Variants in SLX4 observed in about 807,000 individuals in gnomAD.
SLX4 encodes structure-specific endonuclease subunit SLX4.
Under a neutral mutation model 146.2 loss-of-function variants are expected in SLX4, and 112 were observed. The observed-to-expected ratio is 0.77, with a 90% confidence interval of 0.66 to 0.90. The LOEUF is 0.90. Ranked by LOEUF, SLX4 falls within the 40% of genes least tolerant of loss-of-function variation. SLX4 has a pLI of 0.00. For missense variants in SLX4, 2,563 were observed against 2,392.7 expected (o/e 1.07, Z -1.49); for synonymous variants, 1,061 against 997.7 (o/e 1.06, Z -1.20).
Position 3,609,149 on chromosome 16 carries a change from AT to A in SLX4, c.-186del, listed in dbSNP as rs1348803225. The A allele has an allele frequency of 3.6e-5, 23 of 640,140 alleles. No homozygotes were observed. The highest frequency in any genetic ancestry group is 6.1e-5 in the Non-Finnish European group (23 of 379,156). 39.7% of individuals were successfully genotyped at this position (640,140 alleles called of 1,614,324 possible). A position where few individuals can be genotyped will look rare whatever the true frequency, so the allele number is the denominator to read the frequency against. On this transcript the variant is annotated 5_prime_UTR_variant, in exon 2 of 15. Transcript: ENST00000294008. Reference sequence around the variant, plus strand: ...CCGGGCGCGGTGGCTCACACTTGTAATCCCAGCTCTTTTGGAGGACGAGGCG... The same window carrying A: ...CCGGGCGCGGTGGCTCACACTTGTAACCCAGCTCTTTTGGAGGACGAGGCG...
In SLX4 at chr16:3,589,113, C is replaced by A; in HGVS notation, c.4525G>T (p.Ala1509Ser). ...TCCCCGTCCCAAACGTCCCACAGAG[C>A]CGAATTCAGAAAGCTCGGCCTGCTA... ...GNSRPSFLNS[A>S]LWDVWDGEEQ... Residue 1509 changes from alanine to serine, a missense_variant, in exon 12 of 15, where the codon GCT (alanine) becomes TCT (serine). Ala to Ser is a moderately conservative substitution (Grantham distance 99, BLOSUM62 1). Transcript: ENST00000294008. This position sits in a 1 kb window ranked among gnomAD's most constrained non-coding sequence, Gnocchi z 6.2. 6.2e-7 allele frequency: 1 copy of A among 1,614,082 alleles called. No homozygotes were observed. The highest frequency in any genetic ancestry group is 8.5e-7 in the Non-Finnish European group (1 of 1,180,006).
At position 3,608,710 on chromosome 16, in the gene SLX4, C is replaced by T. The variant is rs929484815; in HGVS notation, c.255G>A (p.Gln85=). Residue 85 remains glutamine (Q), a synonymous_variant, in exon 2 of 15, where the codon CAG becomes CAA. Transcript: ENST00000294008. Reference sequence around the variant, plus strand: ...TGGTCCTTTTCAATTTGCTTCTTATCTGAGTGCCGTTTGAGGCAGCCTTTT... The same window carrying T: ...TGGTCCTTTTCAATTTGCTTCTTATTTGAGTGCCGTTTGAGGCAGCCTTTT... ...KTQKAASNGT[Q]IRSKLKRTKQ... is the part of the protein sequence containing the mutation. 6.2e-6 allele frequency: 10 copies of T among 1,614,126 alleles called. No individual in the cohort carries two copies. Among genetic ancestry groups the T allele is most frequent in the Non-Finnish European group, 8.5e-6 (10 of 1,180,062 alleles).
Position 3,602,206 on chromosome 16 carries a change from G to T in SLX4, c.862C>A (p.Leu288Met), listed in dbSNP as rs777370394. 1.2e-6 allele frequency: 2 copies of T among 1,614,064 alleles called. No homozygotes were observed. Among genetic ancestry groups the T allele is most frequent in the Middle Eastern group, 1.6e-4 (1 of 6,084 alleles). The change falls in exon 4 of 15, where the codon CTG becomes ATG. Residue 288 changes from leucine (L) to methionine (M), a missense_variant. Leu to Met is a conservative substitution (Grantham distance 15). Coordinates refer to ENST00000294008, the MANE Select transcript of SLX4 (RefSeq NM_032444.4). ...RVGASAHDDS[L>M]EEKGLFFCQI... Reference sequence around the variant, plus strand: ...CAGAAGAACAAACCCTTTTCCTCCAGGCTATCATCATGTGCCGATGCTCCT... The same window carrying T: ...CAGAAGAACAAACCCTTTTCCTCCATGCTATCATCATGTGCCGATGCTCCT...
At chr16:3,598,314 A>G (rs1033503094) in intron 5 of SLX4, among the ~76,000 whole-genome samples, 1 of 152,154 alleles carries the variant, frequency 6.6e-6, no homozygotes, top group Non-Finnish European at 1.5e-5. Flanking sequence ...GGAGTCAACA[A>G]TCGATGGCTC....
chr16:3,583,065 G>C, intron 14 of SLX4, 32 bp downstream of exon 14: 1 of 1,613,870 alleles, frequency 6.2e-7, no homozygotes, highest in South Asian at 1.1e-5. Flanking sequence ...GGATACATGA[G>C]GCCACTGACC....
Position 3,591,001 on chromosome 16 carries a change from C to G in SLX4, c.2637G>C (p.Trp879Cys), listed in dbSNP as rs1276786771. The G allele has an allele frequency of 6.2e-7, 1 of 1,614,212 alleles. No homozygotes were observed. Among genetic ancestry groups the G allele is most frequent in the Admixed American group, 1.7e-5 (1 of 60,030 alleles). ...CAGAAACCGGACTGCCACCCTCCAG[C>G]CAGTCAGCGTCCTCGCCGGCACCCG... ...RAAGAGEDAD[W>C]LEGGSPVSGQ... Residue 879 changes from tryptophan to cysteine, a missense_variant, in exon 12 of 15, where the codon TGG (tryptophan) becomes TGC (cysteine). Transcript: ENST00000294008.
intron 8 of SLX4, 99 bp downstream of exon 8, chr16:3,596,054 G>T: frequency 4.1e-6 from 6 of 1,469,000 alleles, no homozygotes; most frequent in East Asian, 2.5e-5. Context: ...CAGAGCTGCC[G>T]TCGCGGCGGC....
Position 3,589,597 on chromosome 16 carries a change from G to T in SLX4, c.4041C>A (p.His1347Gln). ...GAGAGGAGTGCGGGTGGCCCCCGGG[G>T]TGGGGACGGGAAGGGCTTCTGTGGC... ...RQGHRSPSRP[H>Q]PGGHPHSSPL... The change falls in exon 12 of 15, where the codon CAC becomes CAA. Residue 1347 changes from histidine (H) to glutamine (Q), a missense_variant. Physicochemically the swap from His to Gln is conservative, Grantham distance 24 (BLOSUM62 0). Coordinates refer to ENST00000294008, the MANE Select transcript of SLX4 (RefSeq NM_032444.4). This position sits in a 1 kb window ranked among gnomAD's most constrained non-coding sequence, Gnocchi z 6.2. 6.2e-7 allele frequency: 1 copy of T among 1,613,714 alleles called. No homozygotes were observed. Among genetic ancestry groups the T allele is most frequent in the South Asian group, 1.1e-5 (1 of 91,084 alleles).
In SLX4 at chr16:3,583,414, G is replaced by A. The variant is rs140844106; in HGVS notation, c.4836C>T (p.Asp1612=). 148 of 1,613,790 alleles carry A rather than the reference G, an allele frequency of 9.2e-5. No individual in the cohort carries two copies. The African/African-American group carries it at 1.6e-3, about 17-fold the overall frequency. The part of the protein sequence containing the change: ...THQTLDSDSE[D]ESQSSQPLLQ... ...ACAGCGGCTGTGAGGACTGGCTCTC[G>A]TCCTCGGAGTCTGAGTCCAGGGTCT... The change falls in exon 14 of 15, where the codon GAC becomes GAT. Residue 1612 remains aspartate (D), a synonymous_variant. Transcript: ENST00000294008.
intron 13 of SLX4, among the ~76,000 whole-genome samples, chr16:3,583,776 G>A (rs2040472907): frequency 6.6e-6 from 1 of 152,130 alleles, no homozygotes; most frequent in Non-Finnish European, 1.5e-5. Flanking sequence ...GCTGAGGCAG[G>A]AGGACAGTTT....
At position 3,608,641 on chromosome 16, in the gene SLX4, C is replaced by G; in HGVS notation, c.324G>C (p.Glu108Asp). The G allele has an allele frequency of 1.9e-6, 3 of 1,614,202 alleles. No individual in the cohort carries two copies. The highest frequency in any genetic ancestry group is 2.5e-6 in the Non-Finnish European group (3 of 1,180,038). The change falls in exon 2 of 15, where the codon GAG becomes GAC. Residue 108 changes from glutamate (E) to aspartate (D), a missense_variant. Glu to Asp is a conservative substitution (Grantham distance 45). Transcript: ENST00000294008. ...CCTGGCTGCCAGACGGAGGTTTCTT[C>G]TCTGCAGGGCCTTGAAGGGTTTTGG... is the stretch of plus-strand genomic sequence containing the variant. ...TKTKTLQGPA[E>D]KKPPSGSQAP...
chr16:3,592,421 C>T (rs2040603631), intron 11 of SLX4, among the ~76,000 whole-genome samples: 2 of 152,238 alleles, frequency 1.3e-5, no homozygotes, highest in Admixed American at 1.3e-4. Flanking sequence ...AAGGGCCATT[C>T]TCTTATCACA....
chr16:3,582,553 GC>G lies in SLX4; in HGVS notation c.5293del (p.Ala1765ProfsTer21). On this transcript the variant is annotated frameshift_variant, in exon 15 of 15. Coordinates refer to ENST00000294008, the MANE Select transcript of SLX4 (RefSeq NM_032444.4). LOFTEE classifies it low-confidence loss of function (END_TRUNC). ...GTACAGCAGCACCTTCTGGTACAGG[GC>G]CGGCTTGGAGCGGATGTAGCACCTC... ...ALRCYIRSKP[A>X]LYQKVLLYQP... 1 of 1,613,854 alleles carries G rather than the reference GC, an allele frequency of 6.2e-7. No individual in the cohort carries two copies. The highest frequency in any genetic ancestry group is 8.5e-7 in the Non-Finnish European group (1 of 1,180,026).
Position 3,590,528 on chromosome 16 carries a change from A to G in SLX4, c.3110T>C (p.Leu1037Ser). 1.2e-6 allele frequency: 2 copies of G among 1,613,088 alleles called. No homozygotes were observed. The highest frequency in any genetic ancestry group is 1.7e-6 in the Non-Finnish European group (2 of 1,179,136). The change falls in exon 12 of 15, where the codon TTG becomes TCG. Residue 1037 changes from leucine (L) to serine (S), a missense_variant. Leu to Ser is a moderately radical substitution (Grantham distance 145). Coordinates refer to ENST00000294008, the MANE Select transcript of SLX4 (RefSeq NM_032444.4). The surrounding 1 kb of genome is among the most constrained non-coding windows in gnomAD (Gnocchi z 4.8). ...ASPPHPCRFLLGPPQGGSPRG... is the reference protein window; with the variant it reads ...ASPPHPCRFLSGPPQGGSPRG... ...GGGACTCCCGCCCTGGGGAGGCCCCAATAGGAAGCGGCACGGGTGCGGTGG... is the reference window on the plus strand; with the variant it reads ...GGGACTCCCGCCCTGGGGAGGCCCCGATAGGAAGCGGCACGGGTGCGGTGG...
intron 3 of SLX4, among the ~76,000 whole-genome samples, chr16:3,605,021 A>T (rs1259772100): frequency 1.3e-5 from 2 of 151,272 alleles, no homozygotes; most frequent in East Asian, 3.9e-4. Flanking sequence ...CCTGGGCTCA[A>T]GCAATCCTCC....
intron 12 of SLX4, among the ~76,000 whole-genome samples, chr16:3,586,616 G>C (rs1346573457): frequency 6.6e-6 from 1 of 152,032 alleles, no homozygotes; most frequent in East Asian, 1.9e-4. Context: ...TTCGAGACCA[G>C]CTTGGCCAAC....
chr16:3,592,473 G>A (rs1000993005), intron 11 of SLX4, among the ~76,000 whole-genome samples: 2 of 152,220 alleles, frequency 1.3e-5, no homozygotes, highest in Admixed American at 1.3e-4. Context: ...GAGTCCTCCT[G>A]ATCCAGTGCT....
At chr16:3,598,133 C>A in intron 5 of SLX4, 134 bp from the exon 6 acceptor site, 2 of 945,594 alleles carry the variant, frequency 2.1e-6, no homozygotes, top group Non-Finnish European at 3.3e-6. Context: ...GATGCGTCCC[C>A]CACTTCCACT....
At position 3,596,205 on chromosome 16, in the gene SLX4, G is replaced by A. The variant is rs767618166; in HGVS notation, c.1872C>T (p.Ser624=). The A allele has an allele frequency of 2.2e-5, 34 of 1,550,414 alleles. No homozygotes were observed. The highest frequency in any genetic ancestry group is 2.8e-5 in the Non-Finnish European group (32 of 1,149,408). The change falls in exon 8 of 15, where the codon AGC becomes AGT. Residue 624 remains serine, a synonymous_variant. Coordinates refer to ENST00000294008, the MANE Select transcript of SLX4 (RefSeq NM_032444.4). The stretch of plus-strand genomic sequence containing the variant: ...CCCCACTGCCGGGCCACGGGCTGGC[G>A]CTCAGTCCCTCCCTCGCCAGGTCCA... The part of the protein sequence containing the change: ...DLVDLAREGL[S]ASPWPGSGGL...
Sources: allele counts gnomAD v4.1 joint callset (sites outside exome capture counted in the v4.1 genomes callset), GRCh38; gene constraint gnomAD v4.1.1; non-coding constraint Gnocchi (gnomAD v3.1); transcripts MANE v1.5; gene names NCBI Gene and HGNC (gene_info 2026-07-23, HGNC 2026-07-21).